CPLANE1: variants seen among roughly 807,000 people sequenced by gnomAD.
CPLANE1 encodes the protein ciliogenesis and planar polarity effector complex subunit 1.
A neutral mutation model predicts 362.5 loss-of-function variants in CPLANE1; 263 were observed. The ratio of observed to expected loss-of-function variants is 0.73; its 90% CI spans 0.66 to 0.80. The LOEUF is 0.80. Ranked by LOEUF, CPLANE1 falls within the 30% of genes least tolerant of loss-of-function variation. The pLI is 0.00. For missense variants in CPLANE1, 3,461 were observed against 3,793.4 expected (o/e 0.91, Z 2.30); for synonymous variants, 1,212 against 1,302.6 (o/e 0.93, Z 1.50).
At chr5:37,162,611 A>C in intron 37 of CPLANE1, 45 bp from the exon 38 acceptor site, 1 of 1,358,636 alleles carries the variant, frequency 7.4e-7, no homozygotes, top group Non-Finnish European at 1.0e-6. Flanking sequence ...AGAAGCTAAC[A>C]GATTACCAGG....
intron 46 of CPLANE1, among the ~76,000 whole-genome samples, chr5:37,133,987 CTT>C (rs1221987192): frequency 2.6e-5 from 4 of 152,140 alleles, no homozygotes; most frequent in Non-Finnish European, 5.9e-5. Context: ...ATGAGGCCTA[CTT>C]GATTATGGTG....
At chr5:37,095,557 T>C in the CPLANE1 span, among the ~76,000 whole-genome samples, 1 of 152,136 alleles carries the variant, frequency 6.6e-6, no homozygotes, top group Non-Finnish European at 1.5e-5. Flanking sequence ...CTCTTCAACA[T>C]AGTACTGGAA....
intron 46 of CPLANE1, among the ~76,000 whole-genome samples, chr5:37,126,932 C>G (rs1300395594): frequency 6.6e-6 from 1 of 152,182 alleles, no homozygotes; most frequent in Non-Finnish European, 1.5e-5. Flanking sequence ...GTCACAAATA[C>G]AAACAATATA....
chr5:37,242,155 A>G (rs933226008), intron 6 of CPLANE1, among the ~76,000 whole-genome samples: 2 of 151,954 alleles, frequency 1.3e-5, no homozygotes, highest in Non-Finnish European at 2.9e-5. Context: ...GTAGTTCAAG[A>G]CCACCTGACT....
chr5:37,117,501 T>G (rs1167565614), intron 50 of CPLANE1, among the ~76,000 whole-genome samples: 1 of 152,106 alleles, frequency 6.6e-6, no homozygotes, highest in Non-Finnish European at 1.5e-5. Flanking sequence ...GAATATTAAA[T>G]TGATTATATC....
At chr5:37,127,515 ATTTTTTT>A (rs556523898) in intron 46 of CPLANE1, among the ~76,000 whole-genome samples, 4 of 134,006 alleles carry the variant, frequency 3.0e-5, no homozygotes, top group Non-Finnish European at 6.4e-5. Context: ...TTTTTATTTA[ATTTTTTT>A]TTTTTTTTTT....
rs1484885661 is a variant in CPLANE1 at position 37,183,068 on chromosome 5, T to C, written c.5113A>G (p.Ile1705Val). The part of the protein sequence containing the change: ...KCLIQRSSNH[I>V]FWTPKSIKTR... The stretch of plus-strand genomic sequence containing the variant: ...TTAATGGACTTGGGAGTCCAAAAAA[T>C]GTGGTTTGATGATCTCTGGATTAGA... The change falls in exon 26 of 53, where the codon ATT becomes GTT. Residue 1705 changes from isoleucine (I) to valine (V), a missense_variant. Physicochemically the swap from Ile to Val is conservative, Grantham distance 29. Coordinates refer to ENST00000651892, the MANE Select transcript of CPLANE1 (RefSeq NM_001384732.1). 1.9e-6 allele frequency: 3 copies of C among 1,613,288 alleles called. No individual in the cohort carries two copies. Among genetic ancestry groups the C allele is most frequent in the African/African-American group, 1.3e-5 (1 of 74,920 alleles).
chr5:37,133,077 T>G (rs888774483), intron 46 of CPLANE1, among the ~76,000 whole-genome samples: 21 of 152,228 alleles, frequency 1.4e-4, no homozygotes, highest in African/African-American at 4.8e-4. Flanking sequence ...AAAGATCAGA[T>G]GGCTGTAGGT....
At chr5:37,177,197 T>C (rs1252858182) in intron 30 of CPLANE1, among the ~76,000 whole-genome samples, 1 of 152,204 alleles carries the variant, frequency 6.6e-6, no homozygotes, top group Non-Finnish European at 1.5e-5. Flanking sequence ...GCAGTGTATG[T>C]GTACATCATA....
chr5:37,165,807 A>G, intron 35 of CPLANE1, 136 bp from the exon 36 acceptor site: 1 of 798,056 alleles, frequency 1.3e-6, no homozygotes. Context: ...TTAAATTGGC[A>G]AGATATTCTG....
At chr5:37,143,311 T>C (rs1013182087) in intron 43 of CPLANE1, among the ~76,000 whole-genome samples, 1 of 152,208 alleles carries the variant, frequency 6.6e-6, no homozygotes, top group Non-Finnish European at 1.5e-5. Context: ...ACAGTCAGTA[T>C]GCAGATTCAA....
intron 6 of CPLANE1, among the ~76,000 whole-genome samples, chr5:37,241,728 G>A (rs1047197064): frequency 5.3e-5 from 8 of 152,230 alleles, no homozygotes; most frequent in South Asian, 2.1e-4. Flanking sequence ...CTGGGCTTCA[G>A]TGATCCTCCC....
At chr5:37,168,769 T>C (rs532393500) in intron 34 of CPLANE1, 22 bp downstream of exon 34, 1 of 1,592,254 alleles carries the variant, frequency 6.3e-7, no homozygotes, top group African/African-American at 1.3e-5. Context: ...TGCTTTTGCA[T>C]TACCATACAA....
chr5:37,106,760 G>A lies in CPLANE1; in HGVS notation c.*842C>T, dbSNP rs947711991. On this transcript the variant is annotated 3_prime_UTR_variant, in exon 53 of 53. Transcript: ENST00000651892. ...CAGGTAGATATTTGGAAAAAGAGGGGTATTTAATAGCTTTTTCAGATGATA... is the reference window on the plus strand; with the variant it reads ...CAGGTAGATATTTGGAAAAAGAGGGATATTTAATAGCTTTTTCAGATGATA... 1.3e-6 allele frequency: 1 copy of A among 781,624 alleles called. No homozygotes were observed. Among genetic ancestry groups the A allele is most frequent in the African/African-American group, 1.9e-5 (1 of 53,136 alleles). The allele number at this position is 781,624 out of a possible 1,614,324, so 48.4% of individuals were successfully genotyped here.
rs771793682 is a variant in CPLANE1, at chr5:37,162,514, T to C, written c.7641A>G (p.Val2547=). The part of the protein sequence containing the change: ...TSAGLHFMAS[V]KKKAIGSQDA... ...CTTGACTTCCTATAGCTTTCTTTTT[T>C]ACAGAGGCCATGAAATGCAATCCAG... Residue 2547 remains valine (V), a synonymous_variant, in exon 38 of 53, where the codon GTA becomes GTG. Transcript: ENST00000651892. 53 of 1,613,174 alleles carry C rather than the reference T, an allele frequency of 3.3e-5. No homozygotes were observed. The highest frequency in any genetic ancestry group is 4.1e-5 in the Non-Finnish European group (48 of 1,179,464).
intron 21 of CPLANE1, among the ~76,000 whole-genome samples, chr5:37,194,943 G>A (rs1391727222): frequency 6.6e-6 from 1 of 151,368 alleles, no homozygotes; most frequent in East Asian, 2.0e-4. Flanking sequence ...ACGAGGTCAG[G>A]AGATCAAGAC....
At chr5:37,206,800 C>T (rs1227012817) in intron 16 of CPLANE1, among the ~76,000 whole-genome samples, 1 of 151,826 alleles carries the variant, frequency 6.6e-6, no homozygotes, top group Non-Finnish European at 1.5e-5. Context: ...TCACAAAGTA[C>T]AATTTATTAC....
the CPLANE1 span, among the ~76,000 whole-genome samples, chr5:37,099,049 C>G: frequency 1.9e-4 from 29 of 151,198 alleles, no homozygotes; most frequent in African/African-American, 6.8e-4. Context: ...TTATAAAGAT[C>G]AAAGCAGAAT....
chr5:37,154,340 T>C (rs998950309), intron 41 of CPLANE1, among the ~76,000 whole-genome samples: 1 of 152,064 alleles, frequency 6.6e-6, no homozygotes, highest in African/African-American at 2.4e-5. Context: ...CAATATTGGC[T>C]ATTACTGACT....
Sources: allele counts gnomAD v4.1 joint callset (sites outside exome capture counted in the v4.1 genomes callset), GRCh38; gene constraint gnomAD v4.1.1; transcripts MANE v1.5; gene names NCBI Gene and HGNC (gene_info 2026-07-23, HGNC 2026-07-21).